SLCO2A1: variants seen among roughly 807,000 people sequenced by gnomAD.
The protein encoded by SLCO2A1 is solute carrier organic anion transporter family member 2A1.
A neutral mutation model predicts 71.7 loss-of-function variants in SLCO2A1; 60 were observed. The observed-to-expected ratio is 0.84, with a 90% CI of 0.68 to 1.04. The LOEUF (loss-of-function observed/expected upper bound fraction) is 1.04, where lower values mean the gene tolerates loss of function less well. Among genes scored for constraint, SLCO2A1 ranks in the 50% least tolerant of loss-of-function variants. SLCO2A1 has a pLI of 0.00. For missense variants in SLCO2A1, 745 were observed against 813.4 expected, an observed-to-expected ratio of 0.92 and a Z score of 1.02; for synonymous variants, 308 against 326.7, an observed-to-expected ratio of 0.94 and a Z score of 0.62.
At chr3:133,962,448 GA>G (rs55876992) in intron 3 of SLCO2A1, among the ~76,000 whole-genome samples, 5 of 150,740 alleles carry the variant, frequency 3.3e-5, no homozygotes, top group Non-Finnish European at 5.9e-5. Context: ...TTTTAAAAAA[GA>G]AAAAAAAATA....
intron 12 of SLCO2A1, 61 bp from the exon 13 acceptor site, chr3:133,935,958 G>T: frequency 1.4e-6 from 2 of 1,450,340 alleles, no homozygotes; most frequent in South Asian, 1.6e-5. Flanking sequence ...GTCCAGCAGG[G>T]GTGTGGGAGC....
intron 1 of SLCO2A1, among the ~76,000 whole-genome samples, chr3:133,997,955 A>C (rs1245722154): frequency 6.6e-6 from 1 of 152,226 alleles, no homozygotes; most frequent in African/African-American, 2.4e-5. Flanking sequence ...GTTTGGAGAC[A>C]TTGTAAAGCC....
intron 5 of SLCO2A1, among the ~76,000 whole-genome samples, chr3:133,951,664 A>G (rs1028963782): frequency 5.9e-5 from 9 of 152,198 alleles, no homozygotes; most frequent in African/African-American, 1.9e-4. Context: ...ACAAGGGCAC[A>G]CCATGGGCCA....
intron 1 of SLCO2A1, among the ~76,000 whole-genome samples, chr3:133,984,890 T>C (rs1457523294): frequency 6.6e-6 from 1 of 152,220 alleles, no homozygotes; most frequent in East Asian, 1.9e-4. Flanking sequence ...CTGGGTCTCC[T>C]TGAGCAGCAG....
intron 1 of SLCO2A1, among the ~76,000 whole-genome samples, chr3:133,980,370 G>A (rs1231552928): frequency 6.6e-6 from 1 of 152,216 alleles, no homozygotes; most frequent in Non-Finnish European, 1.5e-5. Context: ...CTGGGGTACT[G>A]AGTAAATGTG....
Position 133,948,579 on chromosome 3 carries a change from C to A in SLCO2A1, c.1062G>T (p.Glu354Asp). 2 of 1,614,136 alleles carry A rather than the reference C, an allele frequency of 1.2e-6. No homozygotes were observed. Among genetic ancestry groups the A allele is most frequent in the Non-Finnish European group, 1.7e-6 (2 of 1,180,018 alleles). ...AGGCTGCTGAGGTGCCATACTGCTT[C>A]TCCAGGAACTTGTTGAGGAAGGTGG... The part of the protein sequence containing the change: ...GLSTFLNKFL[E>D]KQYGTSAAYA... The change falls in exon 8 of 14, where the codon GAG becomes GAT. Residue 354 changes from glutamate (E) to aspartate (D), a missense_variant. Physicochemically the swap from Glu to Asp is conservative, Grantham distance 45. Transcript: ENST00000310926.
At chr3:133,954,727 C>G (rs1046697235) in intron 4 of SLCO2A1, among the ~76,000 whole-genome samples, 4 of 152,200 alleles carry the variant, frequency 2.6e-5, no homozygotes, top group African/African-American at 9.6e-5. Context: ...TAATATCAGC[C>G]TCCTCCTGGA....
In SLCO2A1 at chr3:133,995,819, C is replaced by T. The variant is rs190291015; in HGVS notation, c.97-16201G>A. 1.2e-4 allele frequency among the ~76,000 whole-genome samples: 19 copies of T among 152,318 alleles called. 1 individual carries two copies. In the South Asian group the frequency reaches 2.5e-3, roughly 20 times the overall value. ...CCCACTGGTTACCTAGGCACTCATACGCCATAAGTGAGTGAATATAAAATT... is the reference window on the plus strand; with the variant it reads ...CCCACTGGTTACCTAGGCACTCATATGCCATAAGTGAGTGAATATAAAATT... On this transcript the variant is annotated intron_variant, in intron 1 of 13. Coordinates refer to ENST00000310926, the MANE Select transcript of SLCO2A1 (RefSeq NM_005630.3).
chr3:133,986,971 C>T (rs565509837), intron 1 of SLCO2A1, among the ~76,000 whole-genome samples: 5 of 152,268 alleles, frequency 3.3e-5, no homozygotes, highest in East Asian at 1.9e-4. Flanking sequence ...GGAACACCAG[C>T]GGAAGGTCTG....
At position 133,984,568 on chromosome 3, in the gene SLCO2A1, T is replaced by G. The variant is rs534385837; in HGVS notation, c.97-4950A>C. ...CATCTGGCCCCACATACTAAGCTTA[T>G]GTGATGGGACCATGACCTCGGCTGC... On this transcript the variant is annotated intron_variant, in intron 1 of 13. Coordinates refer to ENST00000310926, the MANE Select transcript of SLCO2A1 (RefSeq NM_005630.3). Among the ~76,000 whole-genome samples the G allele has an allele frequency of 5.3e-5, 8 of 152,282 alleles. No individual in the cohort carries two copies. In the South Asian group the frequency reaches 1.7e-3, roughly 32 times the overall value.
intron 10 of SLCO2A1, among the ~76,000 whole-genome samples, chr3:133,943,462 A>T (rs1366391560): frequency 6.6e-6 from 1 of 152,166 alleles, no homozygotes; most frequent in Non-Finnish European, 1.5e-5. Context: ...GAACTAAGGG[A>T]CTAGTATGTT....
chr3:133,935,297 G>T (rs1034162523), intron 13 of SLCO2A1, among the ~76,000 whole-genome samples: 2 of 152,202 alleles, frequency 1.3e-5, no homozygotes, highest in African/African-American at 2.4e-5. Context: ...TGAGGTGGCT[G>T]GAAGGGGTGC....
intron 1 of SLCO2A1, among the ~76,000 whole-genome samples, chr3:134,004,714 A>G (rs529881316): frequency 3.9e-4 from 60 of 152,196 alleles, no homozygotes; most frequent in Non-Finnish European, 6.8e-4. Context: ...GTGACATGCT[A>G]GTTTTGAGGA....
intron 3 of SLCO2A1, among the ~76,000 whole-genome samples, chr3:133,970,400 C>T (rs968462313): frequency 5.9e-5 from 9 of 152,214 alleles, no homozygotes; most frequent in African/African-American, 1.9e-4. Context: ...TTCACACCCC[C>T]ACTCAGAGTG....
intron 1 of SLCO2A1, among the ~76,000 whole-genome samples, chr3:134,012,397 G>A (rs1935362795): frequency 6.6e-6 from 1 of 152,120 alleles, no homozygotes; most frequent in South Asian, 2.1e-4. Flanking sequence ...GTACATGCCT[G>A]GGGTGCTACA....
At chr3:133,965,139 C>G (rs549885705) in intron 3 of SLCO2A1, among the ~76,000 whole-genome samples, 1 of 152,148 alleles carries the variant, frequency 6.6e-6, no homozygotes, top group Non-Finnish European at 1.5e-5. Flanking sequence ...AAAAAAAAAC[C>G]GTTAGCGGAG....
chr3:133,966,811 CCAGCTCTA>C (rs1324800491), intron 3 of SLCO2A1, among the ~76,000 whole-genome samples: 8 of 152,208 alleles, frequency 5.3e-5, no homozygotes, highest in Admixed American at 1.3e-4. Flanking sequence ...AGTCAGTGTC[CCAGCTCTA>C]CAGCTCTACT....
intron 1 of SLCO2A1, among the ~76,000 whole-genome samples, chr3:133,989,779 TGCA>T (rs1934798261): frequency 1.3e-5 from 2 of 152,254 alleles, no homozygotes; most frequent in Admixed American, 1.3e-4. Context: ...ACACTTGTTC[TGCA>T]GTTTCTTGAC....
intron 3 of SLCO2A1, among the ~76,000 whole-genome samples, chr3:133,971,548 C>T (rs1004883929): frequency 3.9e-5 from 6 of 152,218 alleles, no homozygotes; most frequent in South Asian, 2.1e-4. Context: ...CCAGGCACTT[C>T]GTTCTCTCCA....
Sources: gnomAD v4.1 joint callset for allele counts (sites outside exome capture counted in the v4.1 genomes callset) on GRCh38, gnomAD v4.1.1 for gene constraint, MANE v1.5 for transcripts, NCBI Gene and HGNC (gene_info 2026-07-23, HGNC 2026-07-21) for gene names.